The following F8 variants were observed in gnomAD, a reference collection of about 807,000 sequenced individuals.
F8 encodes the protein antihemophilic factor.
Under a neutral mutation model 140.6 loss-of-function variants are expected in F8, and 12 were observed. The ratio of observed to expected loss-of-function variants is 0.09; its 90% confidence interval spans 0.05 to 0.14. F8 has a LOEUF of 0.14. Ranked by LOEUF, F8 falls within the 10% of genes least tolerant of loss-of-function variation. The pLI is 1.00. For synonymous variants in F8, 585 were observed against 614.6 expected, an observed-to-expected ratio of 0.95 and a Z score of 0.71; for missense variants, 1,354 against 1,720.7, an observed-to-expected ratio of 0.79 and a Z score of 3.77.
At position 154,902,138 on chromosome X, in the gene F8, A is replaced by T. The variant is rs1214818083; in HGVS notation, c.6028T>A (p.Ser2010Thr). ...GVFETVEMLP[S>T]KAGIWRVECL... ...TCCACCCGCCAAATTCCAGCTTTGG[A>T]TGGTAACATTTCCACTGTCTCAAAA... is the stretch of plus-strand genomic sequence containing the variant. Residue 2010 changes from serine to threonine, a missense_variant, in exon 19 of 26, where the codon TCC becomes ACC. Coordinates refer to ENST00000360256, the MANE Select transcript of F8 (RefSeq NM_000132.4). 2 of 1,207,976 alleles carry T rather than the reference A, an allele frequency of 1.7e-6. No homozygotes were observed. The highest frequency in any genetic ancestry group is 2.2e-5 in the Admixed American group (1 of 46,046).
At chrX:154,952,480 A>T (rs1302445086) in intron 12 of F8, among the ~76,000 whole-genome samples, 1 of 111,566 alleles carries the variant, frequency 9.0e-6, no homozygotes, top group Non-Finnish European at 1.9e-5. Context: ...CATATGCCAC[A>T]TTCTGGTAGG....
chrX:154,941,662 G>A (rs1310065052), intron 13 of F8, among the ~76,000 whole-genome samples: 24 of 110,379 alleles, frequency 2.2e-4, no homozygotes, highest in Admixed American at 1.4e-3. Flanking sequence ...TGCACCAAGC[G>A]GACCTAATAG....
In F8 at chrX:154,950,983, A is replaced by G. The variant is rs1002632841; in HGVS notation, c.1903+2909T>C. Among the ~76,000 whole-genome samples the G allele has an allele frequency of 4.6e-4, 52 of 112,160 alleles. 2 individuals carry two copies. The highest frequency in any genetic ancestry group is 7.5e-5 in the Non-Finnish European group (4 of 53,162). On this transcript the variant is annotated intron_variant, in intron 12 of 25. Coordinates refer to ENST00000360256, the MANE Select transcript of F8 (RefSeq NM_000132.4). ...GAGCTTCTTGTACGTGGATATTTACATCTTTCTCCAGATTTGGAAAGTTTT... is the reference window on the plus strand; with the variant it reads ...GAGCTTCTTGTACGTGGATATTTACGTCTTTCTCCAGATTTGGAAAGTTTT...
At chrX:154,854,362 T>A (rs782811880) in intron 25 of F8, among the ~76,000 whole-genome samples, 29 of 112,898 alleles carry the variant, frequency 2.6e-4, no homozygotes, top group African/African-American at 8.7e-4. Context: ...AAAGGCTTAC[T>A]GTCCTCTTAG....
chrX:154,993,420 A>T (rs1282959661), intron 3 of F8, among the ~76,000 whole-genome samples: 17 of 111,219 alleles, frequency 1.5e-4, no homozygotes, highest in African/African-American at 5.6e-4. Flanking sequence ...ATGCCCGGCT[A>T]ATTTTGTATT....
chrX:155,007,238 G>A (rs1201005375), intron 1 of F8, among the ~76,000 whole-genome samples: 1 of 112,799 alleles, frequency 8.9e-6, no homozygotes, highest in Non-Finnish European at 1.9e-5. Context: ...CCATCTTGAA[G>A]GAAGCACAAA....
intron 13 of F8, among the ~76,000 whole-genome samples, chrX:154,938,461 C>T (rs1322608372): frequency 6.3e-5 from 7 of 111,596 alleles, no homozygotes; most frequent in Admixed American, 3.8e-4. Context: ...TAATTGTGAA[C>T]AACACAGCAA....
rs191831969 is a variant in F8, at chrX:154,871,062, G to A, written c.6430-7835C>T. On this transcript the variant is annotated intron_variant, in intron 22 of 25. Transcript: ENST00000360256. ...GAAATAAGAGAGGACACAAACAAATGGAAAAACATTCCATGCTCATGGATA... is the reference window on the plus strand; with the variant it reads ...GAAATAAGAGAGGACACAAACAAATAGAAAAACATTCCATGCTCATGGATA... 3.7e-3 allele frequency among the ~76,000 whole-genome samples: 420 copies of A among 112,117 alleles called. 6 individuals carry two copies. The highest frequency in any genetic ancestry group is 0.032 in the Middle Eastern group (7 of 216).
intron 25 of F8, among the ~76,000 whole-genome samples, chrX:154,839,260 G>C (rs2072499107): frequency 9.1e-6 from 1 of 109,717 alleles, no homozygotes; most frequent in African/African-American, 3.3e-5. Context: ...AAGCATAGTG[G>C]CATGCCCCTG....
intron 25 of F8, among the ~76,000 whole-genome samples, chrX:154,858,032 G>A (rs112922849): frequency 0.013 from 1,468 of 111,770 alleles, 24 homozygotes; most frequent in African/African-American, 0.043. Flanking sequence ...CCAGCTACTC[G>A]GGAGGCTGAG....
At chrX:154,879,452 C>T (rs1210682330) in intron 22 of F8, among the ~76,000 whole-genome samples, 1 of 112,403 alleles carries the variant, frequency 8.9e-6, no homozygotes, top group Non-Finnish European at 1.9e-5. Context: ...CAGTAGAATC[C>T]ATATGCATAA....
At chrX:154,950,297 T>G (rs782050568) in intron 12 of F8, among the ~76,000 whole-genome samples, 9 of 112,253 alleles carry the variant, frequency 8.0e-5, no homozygotes, top group Non-Finnish European at 1.5e-4. Flanking sequence ...TGTTTGGCTT[T>G]CGATGTTTGG....
At chrX:155,005,422 C>T (rs1192376425) in intron 1 of F8, among the ~76,000 whole-genome samples, 1 of 101,635 alleles carries the variant, frequency 9.8e-6, no homozygotes, top group Non-Finnish European at 2.0e-5. Context: ...CCACTTGGAG[C>T]AGCAGAAGTA....
chrX:154,947,224 GAAAAAAA>G (rs781928603), intron 13 of F8, among the ~76,000 whole-genome samples: 33 of 17,848 alleles, frequency 1.8e-3, no homozygotes, highest in African/African-American at 7.0e-3. Context: ...GACTCCGTCT[GAAAAAAA>G]AAAAAAAAAA....
At chrX:154,933,577 G>A (rs1242446676) in intron 13 of F8, among the ~76,000 whole-genome samples, 3 of 112,129 alleles carry the variant, frequency 2.7e-5, no homozygotes, top group African/African-American at 9.7e-5. Flanking sequence ...TTATCCTCTC[G>A]GCTAGCAAAC....
chrX:154,922,227 G>A (rs1178731809), intron 14 of F8, among the ~76,000 whole-genome samples: 1 of 111,843 alleles, frequency 8.9e-6, no homozygotes, highest in African/African-American at 3.3e-5. Context: ...CTGTATGACT[G>A]CAATAGCATC....
chrX:155,007,859 A>G (rs781962624), intron 1 of F8, among the ~76,000 whole-genome samples: 1 of 110,388 alleles, frequency 9.1e-6, no homozygotes, highest in African/African-American at 3.3e-5. Flanking sequence ...GGATTGCTGC[A>G]ATATGGTATT....
intron 9 of F8, among the ~76,000 whole-genome samples, chrX:154,962,730 G>A (rs1268896723): frequency 2.7e-5 from 3 of 111,059 alleles, no homozygotes; most frequent in African/African-American, 6.6e-5. Flanking sequence ...GCTAGGCGTG[G>A]TGGTGCATGC....
chrX:154,952,767 C>T (rs2073344426), intron 12 of F8, among the ~76,000 whole-genome samples: 1 of 110,987 alleles, frequency 9.0e-6, no homozygotes, highest in Non-Finnish European at 1.9e-5. Flanking sequence ...TGGTCTCGAT[C>T]TCCTGACCTC....
Sources: gnomAD v4.1 joint callset for allele counts (sites outside exome capture counted in the v4.1 genomes callset) on GRCh38, gnomAD v4.1.1 for gene constraint, MANE v1.5 for transcripts, NCBI Gene and HGNC (gene_info 2026-07-23, HGNC 2026-07-21) for gene names.